The following RBMS3 variants were observed in gnomAD, a reference collection of about 807,000 sequenced individuals.
The protein encoded by RBMS3 is RNA-binding motif, single-stranded-interacting protein 3.
Under a neutral mutation model 66.8 loss-of-function variants are expected in RBMS3, and 27 were observed. The observed-to-expected ratio is 0.40, with a 90% confidence interval of 0.30 to 0.56. The LOEUF (loss-of-function observed/expected upper bound fraction) is 0.56. RBMS3 is among the 20% of genes least tolerant of loss of function. The pLI, the probability that RBMS3 is intolerant of heterozygous loss-of-function variation, is 0.40. For synonymous variants in RBMS3, 188 were observed against 183.0 expected (o/e 1.03, Z -0.22); for missense variants, 513 against 549.5 (o/e 0.93, Z 0.66).
intron 3 of RBMS3, among the ~76,000 whole-genome samples, chr3:29,490,476 G>A (rs1256687238): frequency 3.3e-5 from 5 of 152,086 alleles, no homozygotes; most frequent in Admixed American, 3.3e-4. Context: ...CTTCTGATTG[G>A]GAAAGATGCC....
At chr3:29,583,205 T>C (rs2047392123) in intron 3 of RBMS3, among the ~76,000 whole-genome samples, 1 of 152,114 alleles carries the variant, frequency 6.6e-6, no homozygotes, top group South Asian at 2.1e-4. Context: ...TCCGTTCAGA[T>C]TGAAGTTTAG....
intron 2 of RBMS3, among the ~76,000 whole-genome samples, chr3:29,445,054 TA>T (rs1473002075): frequency 3.3e-5 from 5 of 151,898 alleles, no homozygotes; most frequent in Non-Finnish European, 7.4e-5. Context: ...TTCATTTTTT[TA>T]CCCCTAGTAC....
chr3:29,510,821 A>C (rs1424442260), intron 3 of RBMS3, among the ~76,000 whole-genome samples: 4 of 152,188 alleles, frequency 2.6e-5, no homozygotes, highest in Non-Finnish European at 5.9e-5. Context: ...TTTCCTATAA[A>C]GATATGAGCA....
At chr3:29,709,063 T>C (rs987461000) in intron 4 of RBMS3, among the ~76,000 whole-genome samples, 6 of 152,316 alleles carry the variant, frequency 3.9e-5, no homozygotes, top group African/African-American at 1.4e-4. Flanking sequence ...AAGTCCGATC[T>C]GCGTCACAGC....
chr3:29,328,097 GC>G (rs1344205075), intron 1 of RBMS3, among the ~76,000 whole-genome samples: 1 of 152,136 alleles, frequency 6.6e-6, no homozygotes, highest in East Asian at 1.9e-4. Flanking sequence ...ATTATGTCTT[GC>G]TAATGGCACC....
At chr3:29,587,239 T>TTG in intron 4 of RBMS3, 34 bp downstream of exon 4, 2 of 831,868 alleles carry the variant, frequency 2.4e-6, no homozygotes, top group Non-Finnish European at 3.3e-6. Flanking sequence ...TTTTTTTTTT[T>TTG]TTTTTTTTTT....
intron 1 of RBMS3, among the ~76,000 whole-genome samples, chr3:29,351,363 T>C (rs924664994): frequency 3.9e-5 from 6 of 152,168 alleles, no homozygotes; most frequent in Admixed American, 2.6e-4. Flanking sequence ...AAATTATCCA[T>C]GCATTTACAC....
At chr3:29,557,985 T>C (rs1017501110) in intron 3 of RBMS3, among the ~76,000 whole-genome samples, 3 of 151,720 alleles carry the variant, frequency 2.0e-5, no homozygotes, top group African/African-American at 7.3e-5. Flanking sequence ...AGCCACAAAA[T>C]AGACAAGCTG....
At chr3:29,729,271 T>G (rs917338317) in intron 4 of RBMS3, among the ~76,000 whole-genome samples, 1 of 151,816 alleles carries the variant, frequency 6.6e-6, no homozygotes, top group Non-Finnish European at 1.5e-5. Context: ...GTTAGTTTGC[T>G]GAAAATGGTT....
intron 9 of RBMS3, among the ~76,000 whole-genome samples, chr3:29,898,768 T>TGTGTGTGTGTG (rs1559780483): frequency 4.6e-5 from 7 of 150,694 alleles, no homozygotes; most frequent in African/African-American, 1.5e-4. Context: ...TGTGTGTGTG[T>TGTGTGTGTGTG]TTCCTTTTTT....
intron 1 of RBMS3, among the ~76,000 whole-genome samples, chr3:29,406,889 A>G (rs2040041197): frequency 6.6e-6 from 1 of 152,176 alleles, no homozygotes; most frequent in Non-Finnish European, 1.5e-5. Context: ...AAATTTGAAA[A>G]TCAAATTTGT....
At chr3:29,386,949 C>G (rs1374846841) in intron 1 of RBMS3, among the ~76,000 whole-genome samples, 1 of 152,164 alleles carries the variant, frequency 6.6e-6, no homozygotes, top group Non-Finnish European at 1.5e-5. Context: ...ATTTGATACC[C>G]TTGATCAACT....
At chr3:29,491,866 G>A (rs1335601772) in intron 3 of RBMS3, among the ~76,000 whole-genome samples, 6 of 152,156 alleles carry the variant, frequency 3.9e-5, no homozygotes, top group African/African-American at 1.4e-4. Context: ...GGTGGCGGGT[G>A]CCTGTAGTCC....
intron 3 of RBMS3, among the ~76,000 whole-genome samples, chr3:29,561,432 T>TTGTTGTTGTTGTTG (rs1559470074): frequency 2.0e-5 from 3 of 148,948 alleles, no homozygotes; most frequent in African/African-American, 7.6e-5. Context: ...ATCTGTTGTT[T>TTGTTGTTGTTGTTG]TTGTTGTTGT....
intron 6 of RBMS3, among the ~76,000 whole-genome samples, chr3:29,785,382 A>G (rs1315334656): frequency 1.3e-5 from 2 of 151,972 alleles, no homozygotes; most frequent in Non-Finnish European, 2.9e-5. Flanking sequence ...TAAAAATTCA[A>G]TGCAATTCTT....
At chr3:29,324,873 C>G (rs1410471299) in intron 1 of RBMS3, among the ~76,000 whole-genome samples, 1 of 151,760 alleles carries the variant, frequency 6.6e-6, no homozygotes, top group African/African-American at 2.4e-5. Context: ...TCATTATTCC[C>G]TTTGTTTTCC....
intron 1 of RBMS3, among the ~76,000 whole-genome samples, chr3:29,290,930 A>G (rs2032756801): frequency 6.6e-6 from 1 of 151,918 alleles, no homozygotes; most frequent in Non-Finnish European, 1.5e-5. Flanking sequence ...TCACAATAAT[A>G]TGTTGAAAAA....
At chr3:29,587,239 T>TTTTTTG (rs1553626535) in intron 4 of RBMS3, 34 bp downstream of exon 4, 3 of 831,868 alleles carry the variant, frequency 3.6e-6, no homozygotes, top group Non-Finnish European at 1.7e-6. Flanking sequence ...TTTTTTTTTT[T>TTTTTTG]TTTTTTTTTT....
At chr3:29,413,339 G>A (rs910268226) in intron 1 of RBMS3, among the ~76,000 whole-genome samples, 9 of 151,860 alleles carry the variant, frequency 5.9e-5, no homozygotes, top group Non-Finnish European at 1.3e-4. Flanking sequence ...ACTGCACTCC[G>A]GCCTGGGCAA....
Sources: gnomAD v4.1 joint callset for allele counts (sites outside exome capture counted in the v4.1 genomes callset) on GRCh38, gnomAD v4.1.1 for gene constraint, MANE v1.5 for transcripts, NCBI Gene and HGNC (gene_info 2026-07-23, HGNC 2026-07-21) for gene names.